Variants in TAX1BP1 observed in about 807,000 individuals in gnomAD.
TAX1BP1 encodes Tax1 binding protein 1.
Under a neutral mutation model 97.7 loss-of-function variants are expected in TAX1BP1, and 62 were observed. The ratio of observed to expected loss-of-function variants is 0.63; its 90% CI spans 0.52 to 0.78. TAX1BP1 has a LOEUF of 0.78. TAX1BP1 is among the 30% of genes least tolerant of loss of function. The pLI, the probability that TAX1BP1 is intolerant of heterozygous loss-of-function variation, is 0.00. For missense variants in TAX1BP1, 867 were observed against 916.1 expected, an observed-to-expected ratio of 0.95 and a Z score of 0.69; for synonymous variants, 340 against 304.2, an observed-to-expected ratio of 1.12 and a Z score of -1.23.
intron 7 of TAX1BP1, among the ~76,000 whole-genome samples, chr7:27,786,639 G>T (rs895562138): frequency 1.3e-5 from 2 of 152,128 alleles, no homozygotes; most frequent in African/African-American, 4.8e-5. Context: ...ATCAGGTAGC[G>T]TTTTAAAGTG....
chr7:27,742,181 C>T (rs11981473), intron 1 of TAX1BP1, among the ~76,000 whole-genome samples: 6,074 of 152,250 alleles, frequency 0.04, 372 homozygotes, highest in African/African-American at 0.14. Flanking sequence ...TTATACTAAT[C>T]CTCCTCAGCA....
intron 15 of TAX1BP1, among the ~76,000 whole-genome samples, chr7:27,820,065 G>C (rs766739895): frequency 6.6e-6 from 1 of 152,098 alleles, no homozygotes; most frequent in Non-Finnish European, 1.5e-5. Flanking sequence ...AAAATCTTTA[G>C]GTGATCATAT....
At chr7:27,745,873 T>G (rs1193071196) in intron 1 of TAX1BP1, among the ~76,000 whole-genome samples, 1 of 152,014 alleles carries the variant, frequency 6.6e-6, no homozygotes, top group Non-Finnish European at 1.5e-5. Context: ...CACACATCCC[T>G]TATAAGACTA....
chr7:27,748,729 A>G lies in TAX1BP1; in HGVS notation c.162+43A>G, dbSNP rs373382457. 92 of 1,422,292 alleles carry G rather than the reference A, an allele frequency of 6.5e-5. No homozygotes were observed. The African/African-American group carries it at 1.3e-3, about 19-fold the overall frequency. 88.1% of individuals were successfully genotyped at this position (1,422,292 alleles called of 1,614,324 possible). Reference sequence around the variant, plus strand: ...ATATGTTCTCCATGTAAACACTTAAAATTTTCTTTTAAAACAGATTGATAA... The same window carrying G: ...ATATGTTCTCCATGTAAACACTTAAGATTTTCTTTTAAAACAGATTGATAA... On this transcript the variant is annotated intron_variant, in intron 2 of 16. Transcript: ENST00000396319.
At chr7:27,780,435 C>T (rs797015882) in intron 5 of TAX1BP1, among the ~76,000 whole-genome samples, 3 of 152,234 alleles carry the variant, frequency 2.0e-5, no homozygotes, top group South Asian at 2.1e-4. Flanking sequence ...GCCTTATAGT[C>T]GTTCCTAATT....
chr7:27,755,605 G>A (rs1788183394), intron 2 of TAX1BP1, among the ~76,000 whole-genome samples: 1 of 152,134 alleles, frequency 6.6e-6, no homozygotes, highest in Admixed American at 6.5e-5. Context: ...CTATTTAAAA[G>A]GAACACTTTG....
Position 27,793,211 on chromosome 7 carries a change from C to G in TAX1BP1, c.1409C>G (p.Ser470Ter). 1 of 1,569,752 alleles carries G rather than the reference C, an allele frequency of 6.4e-7. No homozygotes were observed. Among genetic ancestry groups the G allele is most frequent in the Non-Finnish European group, 8.6e-7 (1 of 1,168,690 alleles). Residue 470 changes from serine (S) to a stop codon, truncating the protein, a stop_gained and splice_region_variant, in exon 10 of 17, where the codon TCA becomes TGA. Transcript: ENST00000396319. LOFTEE classifies it high-confidence loss of function. The part of the protein sequence containing the change: ...QKQINKLSDQ[S>*]ANNNNVFTKK... ...CAAATAAACAAACTTTCAGATCAAT[C>G]AGTAAGTATCATTAAATTTACACAT...
chr7:27,818,860 TG>T (rs974159657), intron 15 of TAX1BP1, among the ~76,000 whole-genome samples: 4 of 152,146 alleles, frequency 2.6e-5, no homozygotes, highest in African/African-American at 9.7e-5. Flanking sequence ...TTAAATAGCA[TG>T]CCCCAAATCA....
At chr7:27,791,889 A>G (rs1056532075) in intron 8 of TAX1BP1, 117 bp from the exon 9 acceptor site, 2 of 850,884 alleles carry the variant, frequency 2.4e-6, no homozygotes, top group Non-Finnish European at 3.7e-6. Context: ...GTAAGTCATG[A>G]GTAGAAAAAC....
chr7:27,759,422 G>T (rs1355809363), intron 3 of TAX1BP1, among the ~76,000 whole-genome samples: 2 of 152,066 alleles, frequency 1.3e-5, no homozygotes. Context: ...AATACTGATA[G>T]TAATCAAAGT....
chr7:27,805,254 TATGAG>T (rs1790292459), intron 13 of TAX1BP1, among the ~76,000 whole-genome samples: 1 of 152,246 alleles, frequency 6.6e-6, no homozygotes, highest in Non-Finnish European at 1.5e-5. Flanking sequence ...GCATCTCTAT[TATGAG>T]CAAGGTTAAA....
At chr7:27,741,969 A>C (rs1308294847) in intron 1 of TAX1BP1, among the ~76,000 whole-genome samples, 1 of 152,216 alleles carries the variant, frequency 6.6e-6, no homozygotes, top group Non-Finnish European at 1.5e-5. Context: ...GTGCTTTTAG[A>C]TATGCATACA....
At chr7:27,767,822 G>A (rs7807729) in intron 4 of TAX1BP1, among the ~76,000 whole-genome samples, 140,326 of 152,096 alleles carry the variant, frequency 0.92, 64,936 homozygotes, top group East Asian at 1. Context: ...TATAAAGAAT[G>A]TGAAAATTGC....
At chr7:27,794,513 C>A in intron 11 of TAX1BP1, 67 bp downstream of exon 11, 1 of 1,411,626 alleles carries the variant, frequency 7.1e-7, no homozygotes, top group Non-Finnish European at 9.4e-7. Context: ...TGCCTTCTTC[C>A]ATGTGTTAGA....
At chr7:27,807,577 T>G (rs1790388935) in intron 13 of TAX1BP1, among the ~76,000 whole-genome samples, 1 of 152,186 alleles carries the variant, frequency 6.6e-6, no homozygotes, top group Non-Finnish European at 1.5e-5. Context: ...TTAAATATCC[T>G]TCTCAATACT....
chr7:27,771,097 A>ATTTTTTTTTTTTTTTTTT (rs57751582), intron 5 of TAX1BP1, among the ~76,000 whole-genome samples: 2 of 40,570 alleles, frequency 4.9e-5, no homozygotes, highest in African/African-American at 6.8e-5. Context: ...ACATTCAGCA[A>ATTTTTTTTTTTTTTTTTT]TTTTTTTTTT....
rs34270007 is a variant in TAX1BP1, at chr7:27,828,864, T to TAA, written c.*51_*52dup. ...ATTATGAGTTAATATAGTTTAGCAG[T>TAA]AAAAAAAAAAAAAAAAACCACACCT... On this transcript the variant is annotated 3_prime_UTR_variant, in exon 17 of 17. Transcript: ENST00000396319. The TAA allele has an allele frequency of 0.043, 42,313 of 974,046 alleles. 21 individuals carry two copies. Among genetic ancestry groups the TAA allele is most frequent in the South Asian group, 0.06 (3,343 of 55,820 alleles). 60.3% of individuals were successfully genotyped at this position (974,046 alleles called of 1,614,324 possible).
Position 27,747,214 on chromosome 7 carries a change from G to A in TAX1BP1, c.-7-1304G>A, listed in dbSNP as rs192015336. Among the ~76,000 whole-genome samples, 34 of 152,310 alleles carry A rather than the reference G, an allele frequency of 2.2e-4. No homozygotes were observed. The East Asian group carries it at 6.6e-3, about 29-fold the overall frequency. ...GTTTCTTATGTGTATTGTAGAATTA[G>A]TGATTGTACGGAGCCTGTGACAAAC... On this transcript the variant is annotated intron_variant, in intron 1 of 16. Transcript: ENST00000396319.
intron 5 of TAX1BP1, among the ~76,000 whole-genome samples, chr7:27,784,912 T>C (rs934594422): frequency 2.6e-5 from 4 of 152,034 alleles, no homozygotes; most frequent in African/African-American, 9.7e-5. Flanking sequence ...GAGCTGTGAT[T>C]GTGCCACCAT....
Sources: gnomAD v4.1 joint callset for allele counts (sites outside exome capture counted in the v4.1 genomes callset) on GRCh38, gnomAD v4.1.1 for gene constraint, MANE v1.5 for transcripts, NCBI Gene and HGNC (gene_info 2026-07-23, HGNC 2026-07-21) for gene names.